The following KCNAB1 variants were observed in gnomAD, a reference collection of about 807,000 sequenced individuals.
KCNAB1 encodes the protein potassium voltage-gated channel subfamily A regulatory beta subunit 1.
In KCNAB1, 35 loss-of-function variants were observed where a neutral mutation model predicts 64.6. The ratio of observed to expected loss-of-function variants is 0.54; its 90% CI spans 0.41 to 0.72. KCNAB1 has a LOEUF of 0.72. Among genes scored for constraint, KCNAB1 ranks in the 30% least tolerant of loss-of-function variants. The pLI is 0.00. For missense variants in KCNAB1, 401 were observed against 512.9 expected (o/e 0.78, Z 2.11); for synonymous variants, 177 against 183.8 (o/e 0.96, Z 0.30).
intron 6 of KCNAB1, among the ~76,000 whole-genome samples, chr3:156,464,368 G>T (rs1338075200): frequency 6.6e-6 from 1 of 152,130 alleles, no homozygotes; most frequent in Non-Finnish European, 1.5e-5. Context: ...ACATTATTCA[G>T]CAGGACTTAG....
intron 1 of KCNAB1, among the ~76,000 whole-genome samples, chr3:156,163,827 C>T (rs781114229): frequency 4.6e-5 from 7 of 152,176 alleles, no homozygotes; most frequent in African/African-American, 1.4e-4. Flanking sequence ...TTTGTGGCAA[C>T]GGCAAACTTT....
intron 1 of KCNAB1, among the ~76,000 whole-genome samples, chr3:156,274,154 T>A (rs1276049192): frequency 6.6e-6 from 1 of 152,136 alleles, no homozygotes; most frequent in Non-Finnish European, 1.5e-5. Flanking sequence ...AAGCATGGGG[T>A]AACTGATACA....
At chr3:156,435,598 A>G (rs1205589684) in intron 2 of KCNAB1, among the ~76,000 whole-genome samples, 1 of 152,240 alleles carries the variant, frequency 6.6e-6, no homozygotes, top group Non-Finnish European at 1.5e-5. Context: ...ATGGTGAACC[A>G]CATCATCTAG....
At position 156,516,349 on chromosome 3, in the gene KCNAB1, C is replaced by G; in HGVS notation, c.945C>G (p.Ser315=). 4 of 1,611,562 alleles carry G rather than the reference C, an allele frequency of 2.5e-6. No homozygotes were observed. Among genetic ancestry groups the G allele is most frequent in the Non-Finnish European group, 3.4e-6 (4 of 1,177,628 alleles). ...GKYGNGVPES[S]RASLKCYQWL... is the part of the protein sequence containing the mutation. ...ACGGAAACGGGGTGCCTGAAAGTTC[C>G]AGGGCTTCACTGAAGGTATTTTTCT... Residue 315 remains serine (S), a synonymous_variant, in exon 11 of 14, where the codon TCC becomes TCG. Coordinates refer to ENST00000490337, the MANE Select transcript of KCNAB1 (RefSeq NM_172160.3).
chr3:156,498,965 A>G (rs186938525), intron 8 of KCNAB1, among the ~76,000 whole-genome samples: 1 of 152,384 alleles, frequency 6.6e-6, no homozygotes, highest in African/African-American at 2.4e-5. Context: ...CAAGTGGTCC[A>G]GTCAAAGAAA....
chr3:156,228,364 G>A (rs1716311622), intron 1 of KCNAB1, among the ~76,000 whole-genome samples: 1 of 152,180 alleles, frequency 6.6e-6, no homozygotes, highest in Admixed American at 6.5e-5. Context: ...GAACATAGGA[G>A]CAGCAGTTGA....
At chr3:156,419,013 G>C (rs1260718804) in intron 1 of KCNAB1, among the ~76,000 whole-genome samples, 1 of 152,158 alleles carries the variant, frequency 6.6e-6, no homozygotes, top group Non-Finnish European at 1.5e-5. Context: ...GCAAGAAAAT[G>C]GGCCATTAGT....
chr3:156,341,283 A>G (rs1287851192), intron 1 of KCNAB1, among the ~76,000 whole-genome samples: 1 of 152,222 alleles, frequency 6.6e-6, no homozygotes, highest in South Asian at 2.1e-4. Flanking sequence ...AATGAGAGCA[A>G]CATACAAAAT....
chr3:156,357,524 C>G (rs1435184375), intron 1 of KCNAB1, among the ~76,000 whole-genome samples: 1 of 152,122 alleles, frequency 6.6e-6, no homozygotes, highest in Non-Finnish European at 1.5e-5. Context: ...CAGAGCCTAT[C>G]TAATGCTTGG....
At chr3:156,268,517 A>ACC (rs1718849503) in intron 1 of KCNAB1, among the ~76,000 whole-genome samples, 1 of 151,820 alleles carries the variant, frequency 6.6e-6, no homozygotes. Context: ...TTTTCTCCAC[A>ACC]CCCTCTCCAG....
intron 1 of KCNAB1, chr3:156,143,550 C>T: frequency 2.2e-6 from 1 of 463,622 alleles, no homozygotes; most frequent in Non-Finnish European, 3.5e-6. Flanking sequence ...AGTGAGCCCT[C>T]TTCTTGGGTT....
rs113105509 is a variant in KCNAB1, at chr3:156,320,910, CT to C, written c.276-100693del. Among the ~76,000 whole-genome samples the C allele has an allele frequency of 1.4e-3, 201 of 146,014 alleles. 3 individuals carry two copies. The highest frequency in any genetic ancestry group is 2.9e-3 in the Admixed American group (43 of 14,648). On this transcript the variant is annotated intron_variant, in intron 1 of 13. Transcript: ENST00000490337. ...CCCAGCACAAGTGCTTGCTTGTCTACTTTTTTTTTTTTTCTACATGTATTTA... is the reference window on the plus strand; with the variant it reads ...CCCAGCACAAGTGCTTGCTTGTCTACTTTTTTTTTTTTCTACATGTATTTA...
chr3:156,536,946 A>G lies in KCNAB1; in HGVS notation c.*199A>G. 1 of 595,030 alleles carries G rather than the reference A, an allele frequency of 1.7e-6. No homozygotes were observed. The highest frequency in any genetic ancestry group is 3.1e-5 in the Admixed American group (1 of 32,674). 36.9% of individuals were successfully genotyped at this position (595,030 alleles called of 1,614,324 possible). On this transcript the variant is annotated 3_prime_UTR_variant, in exon 14 of 14. Coordinates refer to ENST00000490337, the MANE Select transcript of KCNAB1 (RefSeq NM_172160.3). Reference sequence around the variant, plus strand: ...ACTCACAACCAAGAAAATCCATTCTATTTTCTTATCTTGGACTGGAGTCAC... The same window carrying G: ...ACTCACAACCAAGAAAATCCATTCTGTTTTCTTATCTTGGACTGGAGTCAC...
chr3:156,392,255 C>G (rs1713098658), intron 1 of KCNAB1, among the ~76,000 whole-genome samples: 1 of 152,128 alleles, frequency 6.6e-6, no homozygotes, highest in Non-Finnish European at 1.5e-5. Context: ...CTGCTGTATC[C>G]TCAGGGGTTA....
At chr3:156,507,030 G>A (rs1716875087) in intron 8 of KCNAB1, among the ~76,000 whole-genome samples, 1 of 152,198 alleles carries the variant, frequency 6.6e-6, no homozygotes, top group Admixed American at 6.5e-5. Flanking sequence ...GGTGAATTAA[G>A]TAAATGCTCT....
At chr3:156,135,849 G>T (rs1290196515) in intron 1 of KCNAB1, among the ~76,000 whole-genome samples, 1 of 152,088 alleles carries the variant, frequency 6.6e-6, no homozygotes, top group Non-Finnish European at 1.5e-5. Flanking sequence ...CAAAATATGT[G>T]GAGTTCTTTG....
intron 1 of KCNAB1, among the ~76,000 whole-genome samples, chr3:156,295,867 C>T (rs1720738873): frequency 6.6e-6 from 1 of 152,132 alleles, no homozygotes; most frequent in African/African-American, 2.4e-5. Flanking sequence ...GGGAATATTT[C>T]AAGTCCTCTC....
intron 1 of KCNAB1, among the ~76,000 whole-genome samples, chr3:156,156,193 A>G (rs770843589): frequency 1.3e-5 from 2 of 152,126 alleles, no homozygotes; most frequent in Non-Finnish European, 2.9e-5. Context: ...GGGCATTCCA[A>G]GGGCTTAGAG....
Position 156,147,333 on chromosome 3 carries a change from T to C in KCNAB1, c.275+26447T>C, listed in dbSNP as rs76420323. Among the ~76,000 whole-genome samples the C allele has an allele frequency of 1.7e-3, 258 of 152,330 alleles. 1 individual carries two copies. The highest frequency in any genetic ancestry group is 6.0e-3 in the African/African-American group (251 of 41,572). On this transcript the variant is annotated intron_variant, in intron 1 of 13. Transcript: ENST00000490337. Reference sequence around the variant, plus strand: ...TTCTTTGTGTAAGGAATAATATCCTTGCAATATCCTTATAGCAAACACAGC... The same window carrying C: ...TTCTTTGTGTAAGGAATAATATCCTCGCAATATCCTTATAGCAAACACAGC...
Sources: gnomAD v4.1 joint callset for allele counts (sites outside exome capture counted in the v4.1 genomes callset) on GRCh38, gnomAD v4.1.1 for gene constraint, MANE v1.5 for transcripts, NCBI Gene and HGNC (gene_info 2026-07-23, HGNC 2026-07-21) for gene names.